The following PPIH variants were observed in gnomAD, a reference collection of about 807,000 sequenced individuals.
PPIH encodes the protein peptidyl-prolyl cis-trans isomerase H.
PPIH carries 16 observed loss-of-function variants against 27.6 expected under a neutral mutation model. The observed-to-expected ratio is 0.58, with a 90% confidence interval of 0.39 to 0.88. PPIH has a LOEUF of 0.88. Among genes scored for constraint, PPIH ranks in the 40% least tolerant of loss-of-function variants. The probability of loss-of-function intolerance (pLI) is 0.00; values close to 1 mark genes in which losing one functional copy is unlikely to be tolerated. For missense variants in PPIH, 155 were observed against 224.1 expected, an observed-to-expected ratio of 0.69 and a Z score of 1.97; for synonymous variants, 63 against 76.1, an observed-to-expected ratio of 0.83 and a Z score of 0.90.
chr1:42,678,844 G>A (rs1051997112), downstream of PPIH: 1 of 152,264 alleles, frequency 6.6e-6, no homozygotes, highest in African/African-American at 2.4e-5. Flanking sequence ...ACGGAAAAAG[G>A]CTTCTTGGAA....
intron 9 of PPIH, among the ~76,000 whole-genome samples, chr1:42,670,842 C>G (rs1317964813): frequency 1.3e-5 from 2 of 152,166 alleles, no homozygotes; most frequent in Non-Finnish European, 2.9e-5. Flanking sequence ...GTCGCCCAGG[C>G]TGGAGCACAG....
intron 7 of PPIH, 92 bp downstream of exon 7, chr1:42,666,159 T>C: frequency 2.4e-6 from 3 of 1,236,314 alleles, no homozygotes; most frequent in Non-Finnish European, 3.6e-6. Context: ...CCAAGAAAGC[T>C]CAACCTGTGT....
At chr1:42,678,405 T>C (rs72661329), downstream of PPIH, among the ~76,000 whole-genome samples, 1 of 152,248 alleles carries the variant, frequency 6.6e-6, no homozygotes, top group Non-Finnish European at 1.5e-5. Context: ...TTGGGTTTTT[T>C]GTTTTTCGTT....
At chr1:42,680,031 G>A (rs1202693743), downstream of PPIH, among the ~76,000 whole-genome samples, 2 of 152,240 alleles carry the variant, frequency 1.3e-5, no homozygotes, top group Non-Finnish European at 2.9e-5. Flanking sequence ...TCACAGTCTG[G>A]TGGGGAACAT....
chr1:42,669,030 T>G (rs1649487663), intron 9 of PPIH, among the ~76,000 whole-genome samples: 2 of 148,930 alleles, frequency 1.3e-5, no homozygotes, highest in African/African-American at 2.5e-5. Flanking sequence ...GGCAACCTGG[T>G]GAGATCCCGT....
chr1:42,663,506 T>C (rs1649163232), intron 5 of PPIH, among the ~76,000 whole-genome samples: 1 of 152,158 alleles, frequency 6.6e-6, no homozygotes, highest in Non-Finnish European at 1.5e-5. Flanking sequence ...GTTCAAGCGA[T>C]TCTCGTGCCT....
rs563730401 is a variant in PPIH, at chr1:42,659,518, A to T, written c.156-4A>T. 3.1e-6 allele frequency: 5 copies of T among 1,614,102 alleles called. No homozygotes were observed. The African/African-American group carries it at 6.7e-5, about 22-fold the overall frequency. On this transcript the variant is annotated splice_polypyrimidine_tract_variant and splice_region_variant and intron_variant, in intron 3 of 9. Transcript: ENST00000304979. ...ACTCCAAGTCTCTTTCTTTTCGGTT[A>T]TAGGAAAGATGGGGTTCCAATAGGA...
chr1:42,671,816 C>T lies in PPIH; in HGVS notation c.*21+4376C>T, dbSNP rs571698607. On this transcript the variant is annotated intron_variant, in intron 9 of 9. Coordinates refer to ENST00000304979, the MANE Select transcript of PPIH (RefSeq NM_006347.4). ...TTAATGAAAGAGGAGATGAATTTCC[C>T]ATGGAGCAGGGGTGTGGAGGGAAGG... is the stretch of plus-strand genomic sequence containing the variant. Among the ~76,000 whole-genome samples, 9 of 151,812 alleles carry T rather than the reference C, an allele frequency of 5.9e-5. No individual in the cohort carries two copies. In the South Asian group the frequency reaches 1.5e-3, roughly 25 times the overall value.
chr1:42,680,562 A>AGAC (rs1491117144), downstream of PPIH, among the ~76,000 whole-genome samples: 5 of 152,346 alleles, frequency 3.3e-5, no homozygotes, highest in South Asian at 4.1e-4. Context: ...ATTTTAAGTA[A>AGAC]GACAGTGTCA....
chr1:42,668,381 C>A (rs1306088009), intron 9 of PPIH, among the ~76,000 whole-genome samples: 1 of 151,804 alleles, frequency 6.6e-6, no homozygotes. Flanking sequence ...TCCCTCCATC[C>A]TTTCCTTCCT....
chr1:42,661,186 G>A (rs937313093), intron 5 of PPIH, among the ~76,000 whole-genome samples: 1 of 152,174 alleles, frequency 6.6e-6, no homozygotes, highest in African/African-American at 2.4e-5. Context: ...AATACCTATA[G>A]ATGATCTATG....
intron 2 of PPIH, 129 bp downstream of exon 2, chr1:42,659,037 G>T: frequency 1.5e-6 from 2 of 1,304,074 alleles, no homozygotes; most frequent in Non-Finnish European, 2.2e-6. Context: ...TCCATGCATT[G>T]CTCTGTCTGG....
chr1:42,676,087 A>G (rs1263111736), intron 9 of PPIH, among the ~76,000 whole-genome samples: 1 of 152,164 alleles, frequency 6.6e-6, no homozygotes, highest in Non-Finnish European at 1.5e-5. Flanking sequence ...TTACTGCCCA[A>G]CTTTGCTCTG....
chr1:42,660,949 T>C, intron 5 of PPIH, 45 bp downstream of exon 5: 1 of 1,538,418 alleles, frequency 6.5e-7, no homozygotes, highest in Non-Finnish European at 9.0e-7. Context: ...GTTTTAGTTT[T>C]TGTTGTTATT....
intron 5 of PPIH, 102 bp downstream of exon 5, chr1:42,661,006 G>A: frequency 1.8e-6 from 2 of 1,094,442 alleles, no homozygotes; most frequent in Non-Finnish European, 1.4e-6. Context: ...TCAGGCTTGA[G>A]AACAATAGCC....
At position 42,658,826 on chromosome 1, in the gene PPIH, C is replaced by T; in HGVS notation, c.67-18C>T. ...TGGTCTTGGACTGGGCCTTCTGACA[C>T]TCTCCCGCTGATTGCAGGAAGTTGG... On this transcript the variant is annotated intron_variant, in intron 1 of 9. Transcript: ENST00000304979. The T allele has an allele frequency of 1.9e-6, 3 of 1,614,042 alleles. No individual in the cohort carries two copies. Among genetic ancestry groups the T allele is most frequent in the South Asian group, 2.2e-5 (2 of 91,076 alleles).
intron 6 of PPIH, among the ~76,000 whole-genome samples, chr1:42,665,706 C>T (rs1649294589): frequency 6.6e-6 from 1 of 151,844 alleles, no homozygotes. Flanking sequence ...AAAAATTAGC[C>T]AGGTGTGGTG....
At chr1:42,678,793 T>A (rs960025231), downstream of PPIH, 2 of 152,210 alleles carry the variant, frequency 1.3e-5, no homozygotes, top group African/African-American at 2.4e-5. Context: ...TAAATATTTG[T>A]TGCATGAATG....
chr1:42,671,246 TG>T (rs1278133846), intron 9 of PPIH, among the ~76,000 whole-genome samples: 6 of 152,056 alleles, frequency 3.9e-5, no homozygotes, highest in Non-Finnish European at 7.4e-5. Context: ...CTTGCCGACA[TG>T]GTAAAACCCA....
Sources: gnomAD v4.1 joint callset for allele counts (sites outside exome capture counted in the v4.1 genomes callset) on GRCh38, gnomAD v4.1.1 for gene constraint, MANE v1.5 for transcripts, NCBI Gene and HGNC (gene_info 2026-07-23, HGNC 2026-07-21) for gene names.